DMD: variants seen among roughly 807,000 people sequenced by gnomAD.
DMD encodes mutant dystrophin.
Under a neutral mutation model 330.1 loss-of-function variants are expected in DMD, and 63 were observed. The ratio of observed to expected loss-of-function variants is 0.19; its 90% confidence interval spans 0.16 to 0.24. The LOEUF (loss-of-function observed/expected upper bound fraction) is 0.24, where lower values mean the gene tolerates loss of function less well. DMD is among the 10% of genes least tolerant of loss of function. The pLI is 1.00. For synonymous variants in DMD, 1,223 were observed against 959.8 expected (o/e 1.27, Z -5.07); for missense variants, 3,344 against 2,684.1 (o/e 1.25, Z -5.43).
At chrX:31,923,970 A>G (rs945763620) in intron 47 of DMD, among the ~76,000 whole-genome samples, 4 of 112,265 alleles carry the variant, frequency 3.6e-5, no homozygotes, top group Admixed American at 1.9e-4. Context: ...TTACAAATAC[A>G]CTTCAAGGGA....
In DMD at chrX:31,980,200, T is replaced by C. The variant is rs747780626; in HGVS notation, c.6439-11686A>G. 9.0e-4 allele frequency among the ~76,000 whole-genome samples: 101 copies of C among 111,942 alleles called. 1 individual carries two copies. The highest frequency in any genetic ancestry group is 3.2e-3 in the African/African-American group (99 of 30,880). Reference sequence around the variant, plus strand: ...AGCCATTCCACTTCTACAGAGTTACTCAAACTAAATGAAAACATATGCTCA... The same window carrying C: ...AGCCATTCCACTTCTACAGAGTTACCCAAACTAAATGAAAACATATGCTCA... On this transcript the variant is annotated intron_variant, in intron 44 of 78. Coordinates refer to ENST00000357033, the MANE Select transcript of DMD (RefSeq NM_004006.3).
At chrX:32,817,712 C>A (rs1228419824) in intron 5 of DMD, among the ~76,000 whole-genome samples, 1 of 111,468 alleles carries the variant, frequency 9.0e-6, no homozygotes, top group Non-Finnish European at 1.9e-5. Context: ...CTAAATATGA[C>A]AATTTTATTT....
intron 7 of DMD, among the ~76,000 whole-genome samples, chrX:32,713,167 G>T (rs1006117186): frequency 2.7e-5 from 3 of 111,601 alleles, no homozygotes; most frequent in African/African-American, 9.8e-5. Flanking sequence ...TTTCTTAACT[G>T]TACTCACGCA....
At chrX:32,612,349 G>C (rs1395615115) in intron 12 of DMD, among the ~76,000 whole-genome samples, 1 of 111,918 alleles carries the variant, frequency 8.9e-6, no homozygotes, top group East Asian at 2.8e-4. Context: ...CTCCGGTAGA[G>C]AGAAGCCATT....
chrX:33,152,583 G>A (rs989994790), intron 1 of DMD, among the ~76,000 whole-genome samples: 3 of 109,669 alleles, frequency 2.7e-5, no homozygotes, highest in Middle Eastern at 4.7e-3. Context: ...GTATATCAGC[G>A]TGTATTAAAG....
At chrX:33,274,075 G>GC (rs1557312578) in intron 1 of DMD, among the ~76,000 whole-genome samples, 2 of 111,135 alleles carry the variant, frequency 1.8e-5, no homozygotes, top group Non-Finnish European at 3.8e-5. Context: ...GATAACTGAA[G>GC]TTTTTTTTGT....
intron 44 of DMD, among the ~76,000 whole-genome samples, chrX:32,185,730 T>G (rs914785077): frequency 1.8e-5 from 2 of 111,005 alleles, no homozygotes; most frequent in African/African-American, 6.5e-5. Flanking sequence ...CTACAAAAAC[T>G]TTTATTTAAA....
chrX:32,004,902 A>G (rs2095650901), intron 44 of DMD, among the ~76,000 whole-genome samples: 1 of 111,428 alleles, frequency 9.0e-6, no homozygotes, highest in Non-Finnish European at 1.9e-5. Context: ...GCCTTGCCTA[A>G]CCTAGAGTGG....
intron 60 of DMD, among the ~76,000 whole-genome samples, chrX:31,374,548 C>T (rs1409255894): frequency 9.4e-6 from 1 of 106,563 alleles, no homozygotes; most frequent in Non-Finnish European, 1.9e-5. Context: ...TGGAAATCAT[C>T]ATTCTCAGTA....
intron 55 of DMD, among the ~76,000 whole-genome samples, chrX:31,595,267 T>C (rs2077059303): frequency 2.7e-5 from 3 of 111,569 alleles, no homozygotes; most frequent in Non-Finnish European, 3.8e-5. Context: ...TCTGAAGATC[T>C]GTTTCGGCTC....
At chrX:31,476,416 T>C (rs766284225) in intron 59 of DMD, among the ~76,000 whole-genome samples, 2,107 of 98,736 alleles carry the variant, frequency 0.021, 58 homozygotes, top group East Asian at 0.074. Flanking sequence ...TATATATATA[T>C]ATATACACAC....
intron 42 of DMD, among the ~76,000 whole-genome samples, chrX:32,294,935 C>T (rs183825191): frequency 9.0e-6 from 1 of 111,379 alleles, no homozygotes; most frequent in Admixed American, 9.5e-5. Flanking sequence ...AAGCCATAGT[C>T]CCTTGTAGTT....
chrX:32,759,856 GGGGC>G lies in DMD; in HGVS notation c.649+49633_649+49636del, dbSNP rs201712861. Among the ~76,000 whole-genome samples, 67 of 45,666 alleles carry G rather than the reference GGGGC, an allele frequency of 1.5e-3. 1 individual carries two copies. Among genetic ancestry groups the G allele is most frequent in the South Asian group, 5.4e-3 (2 of 372 alleles). 39.7% of individuals were successfully genotyped at this position (45,666 alleles called of 115,157 possible). On this transcript the variant is annotated intron_variant, in intron 7 of 78. Coordinates refer to ENST00000357033, the MANE Select transcript of DMD (RefSeq NM_004006.3). ...GCAGGTTTTTCTTGGGGGGGGGGGG[GGGGC>G]GGGGGAAGACCCAGGCAGGCCCATG...
chrX:32,752,225 A>G (rs2070920006), intron 7 of DMD, among the ~76,000 whole-genome samples: 1 of 111,567 alleles, frequency 9.0e-6, no homozygotes, highest in Non-Finnish European at 1.9e-5. Context: ...AATCAATGCC[A>G]GCTCATGAAA....
At chrX:32,252,685 A>T (rs376702524) in intron 43 of DMD, among the ~76,000 whole-genome samples, 456 of 26,363 alleles carry the variant, frequency 0.017, 42 homozygotes, top group African/African-American at 0.075. Flanking sequence ...TAAATATATA[A>T]ATATATATAT....
At chrX:31,410,974 C>G (rs2148892371) in intron 60 of DMD, among the ~76,000 whole-genome samples, 1 of 101,491 alleles carries the variant, frequency 9.9e-6, no homozygotes, top group South Asian at 4.9e-4. Flanking sequence ...CCATGTTGCC[C>G]AGGCTGGTCT....
chrX:31,186,859 A>G (rs987208044), intron 67 of DMD, among the ~76,000 whole-genome samples: 2 of 112,735 alleles, frequency 1.8e-5, no homozygotes, highest in African/African-American at 6.4e-5. Flanking sequence ...ATCGAGTCCA[A>G]ACTCTTACCC....
chrX:32,138,104 C>T lies in DMD; in HGVS notation c.6438+78812G>A, dbSNP rs1196944183. Among the ~76,000 whole-genome samples, 3 of 109,925 alleles carry T rather than the reference C, an allele frequency of 2.7e-5. No individual in the cohort carries two copies. In the East Asian group the frequency reaches 8.7e-4, roughly 32 times the overall value. ...CCACCTTAATCCCGAGCCAACTCGT[C>T]CCCAGTTGGAGACAAGAGCAGAAAT... is the stretch of plus-strand genomic sequence containing the variant. On this transcript the variant is annotated intron_variant, in intron 44 of 78. Coordinates refer to ENST00000357033, the MANE Select transcript of DMD (RefSeq NM_004006.3).
chrX:33,272,872 T>C (rs1175740776), intron 1 of DMD, among the ~76,000 whole-genome samples: 1 of 111,394 alleles, frequency 9.0e-6, no homozygotes. Flanking sequence ...TGCTCTTCCT[T>C]GCGGTAGGCC....
Sources: gnomAD v4.1 joint callset for allele counts (sites outside exome capture counted in the v4.1 genomes callset) on GRCh38, gnomAD v4.1.1 for gene constraint, MANE v1.5 for transcripts, NCBI Gene and HGNC (gene_info 2026-07-23, HGNC 2026-07-21) for gene names.